GPHN: variants seen among roughly 807,000 people sequenced by gnomAD.
The protein encoded by GPHN is gephyrin.
In GPHN, 17 loss-of-function variants were observed where a neutral mutation model predicts 95.5. The observed-to-expected ratio is 0.18, with a 90% CI of 0.12 to 0.27. The LOEUF is 0.27. Among genes scored for constraint, GPHN ranks in the 10% least tolerant of loss-of-function variants. The probability of loss-of-function intolerance (pLI) is 1.00; values close to 1 mark genes in which losing one functional copy is unlikely to be tolerated. For missense variants in GPHN, 660 were observed against 978.1 expected (o/e 0.67, Z 4.34); for synonymous variants, 320 against 322.5 (o/e 0.99, Z 0.08).
At chr14:66,697,041 C>T (rs2068148451) in intron 2 of GPHN, among the ~76,000 whole-genome samples, 1 of 152,098 alleles carries the variant, frequency 6.6e-6, no homozygotes, top group African/African-American at 2.4e-5. Flanking sequence ...TGTTTATAAA[C>T]AAAATTTCTA....
the GPHN span, chr14:67,271,067 C>T: frequency 1.3e-5 from 2 of 152,150 alleles, no homozygotes; most frequent in Non-Finnish European, 2.9e-5. Flanking sequence ...GAAGTTTATT[C>T]TCCAGGTAGT....
At chr14:67,291,202 C>T in the GPHN span, among the ~76,000 whole-genome samples, 27 of 149,936 alleles carry the variant, frequency 1.8e-4, no homozygotes, top group African/African-American at 5.6e-4. Flanking sequence ...ACTCACACAG[C>T]CTATTTGGGA....
chr14:66,801,625 G>A (rs1371339703), intron 3 of GPHN, among the ~76,000 whole-genome samples: 17 of 71,824 alleles, frequency 2.4e-4, no homozygotes, highest in Admixed American at 8.3e-4. Context: ...CCCTCCCCCC[G>A]CTCTCTCCCC....
chr14:67,375,572 T>G, the GPHN span, among the ~76,000 whole-genome samples: 1 of 152,080 alleles, frequency 6.6e-6, no homozygotes, highest in Non-Finnish European at 1.5e-5. Context: ...TAAAAAATCT[T>G]GCTTAATCCC....
At chr14:67,674,357 G>T in the GPHN span, 7 of 1,573,354 alleles carry the variant, frequency 4.4e-6, no homozygotes, top group Non-Finnish European at 6.0e-6. Flanking sequence ...CCCACGGCGT[G>T]GCCCACCCCC....
chr14:67,570,061 T>TG, the GPHN span: 1 of 1,250,584 alleles, frequency 8.0e-7, no homozygotes, highest in Non-Finnish European at 1.1e-6. Flanking sequence ...GAAAGGCCCC[T>TG]GGCCTCATCA....
the GPHN span, among the ~76,000 whole-genome samples, chr14:67,250,063 T>G: frequency 3.7e-4 from 56 of 152,212 alleles, no homozygotes; most frequent in African/African-American, 1.3e-3. Context: ...TGGTTGAGAT[T>G]CACTAGAGCG....
the GPHN span, among the ~76,000 whole-genome samples, chr14:67,234,052 T>C: frequency 6.6e-6 from 1 of 152,222 alleles, no homozygotes; most frequent in African/African-American, 2.4e-5. Context: ...ATACATACTA[T>C]GTCCAGCACT....
intron 2 of GPHN, among the ~76,000 whole-genome samples, chr14:66,774,847 GA>G (rs1354621270): frequency 6.6e-6 from 1 of 152,028 alleles, no homozygotes; most frequent in East Asian, 1.9e-4. Flanking sequence ...GCTACATTTG[GA>G]AATGATATAA....
intron 4 of GPHN, among the ~76,000 whole-genome samples, chr14:66,879,231 T>C (rs2063815006): frequency 6.6e-6 from 1 of 151,768 alleles, no homozygotes; most frequent in East Asian, 1.9e-4. Context: ...AGGGGAGAGA[T>C]GGCATTAGGA....
chr14:66,684,888 T>C (rs1295371867), intron 2 of GPHN, among the ~76,000 whole-genome samples: 1 of 152,164 alleles, frequency 6.6e-6, no homozygotes, highest in African/African-American at 2.4e-5. Context: ...CTCCTAATGC[T>C]GTCCCTCCCC....
the GPHN span, among the ~76,000 whole-genome samples, chr14:67,567,654 C>T: frequency 6.6e-6 from 1 of 152,138 alleles, no homozygotes; most frequent in Admixed American, 6.5e-5. Flanking sequence ...TGGCAGCACT[C>T]ATCAGCTCTG....
chr14:67,170,506 T>C (rs1336172366), intron 21 of GPHN, among the ~76,000 whole-genome samples: 1 of 152,242 alleles, frequency 6.6e-6, no homozygotes, highest in Non-Finnish European at 1.5e-5. Context: ...AGATCTCTTA[T>C]GAATTCTTTC....
chr14:67,048,817 T>G (rs1028665813), intron 10 of GPHN, among the ~76,000 whole-genome samples: 2 of 152,262 alleles, frequency 1.3e-5, no homozygotes, highest in African/African-American at 4.8e-5. Flanking sequence ...TTTTCACATG[T>G]TTTGTAATAC....
the GPHN span, among the ~76,000 whole-genome samples, chr14:67,508,771 A>AAAAAAAAAAAAAAAAAG: frequency 6.7e-6 from 1 of 149,626 alleles, no homozygotes; most frequent in Admixed American, 6.7e-5. Flanking sequence ...AAAAAAAAAA[A>AAAAAAAAAAAAAAAAAG]CAGAAGACAA....
At chr14:66,828,958 T>C (rs1371324207) in intron 4 of GPHN, among the ~76,000 whole-genome samples, 1 of 152,118 alleles carries the variant, frequency 6.6e-6, no homozygotes, top group African/African-American at 2.4e-5. Context: ...TCTAGCCTTC[T>C]CCCTGCCTCT....
At chr14:67,082,990 C>T (rs1262419753) in intron 11 of GPHN, among the ~76,000 whole-genome samples, 1 of 152,076 alleles carries the variant, frequency 6.6e-6, no homozygotes, top group Non-Finnish European at 1.5e-5. Context: ...CACTTATTTT[C>T]AGTTTGCCCT....
the GPHN span, chr14:67,579,553 C>A: frequency 1.5e-6 from 1 of 687,154 alleles, no homozygotes; most frequent in Non-Finnish European, 2.4e-6. Context: ...GATAAGCTCA[C>A]ATCCCTCATG....
chr14:66,567,806 C>G (rs560454540), intron 1 of GPHN, among the ~76,000 whole-genome samples: 1 of 151,808 alleles, frequency 6.6e-6, no homozygotes, highest in East Asian at 1.9e-4. Flanking sequence ...TATTTTGTAC[C>G]TTTGTTAACT....
Sources: gnomAD v4.1 joint callset for allele counts (sites outside exome capture counted in the v4.1 genomes callset) on GRCh38, gnomAD v4.1.1 for gene constraint, MANE v1.5 for transcripts, NCBI Gene and HGNC (gene_info 2026-07-23, HGNC 2026-07-21) for gene names.